Variants in PSMD3 observed in about 807,000 individuals in gnomAD.
PSMD3 encodes proteasome 26S subunit, non-ATPase 3, also known as 26S proteasome non-ATPase regulatory subunit 3.
A neutral mutation model predicts 62.8 loss-of-function variants in PSMD3; 5 were observed. The ratio of observed to expected loss-of-function variants is 0.08; its 90% CI spans 0.04 to 0.17. PSMD3 has a LOEUF of 0.17. Among genes scored for constraint, PSMD3 ranks in the 10% least tolerant of loss-of-function variants. The probability of loss-of-function intolerance (pLI) is 1.00; values close to 1 mark genes in which losing one functional copy is unlikely to be tolerated. For missense variants in PSMD3, 524 were observed against 713.6 expected, an observed-to-expected ratio of 0.73 and a Z score of 3.03; for synonymous variants, 265 against 283.9, an observed-to-expected ratio of 0.93 and a Z score of 0.67.
At chr17:39,988,971 G>C in intron 4 of PSMD3, 152 bp downstream of exon 4, 1 of 1,051,976 alleles carries the variant, frequency 9.5e-7, no homozygotes, top group Non-Finnish European at 1.4e-6. Context: ...CCACGTGAGG[G>C]GTGTGGGAGA....
At chr17:39,984,083 C>T (rs1162615573) in intron 1 of PSMD3, among the ~76,000 whole-genome samples, 1 of 151,826 alleles carries the variant, frequency 6.6e-6, no homozygotes, top group Non-Finnish European at 1.5e-5. Context: ...GCCTGTAGTC[C>T]CAGCTACTCG....
At position 39,980,811 on chromosome 17, in the gene PSMD3, G is replaced by A. The variant is rs1980357785; in HGVS notation, c.-160G>A. On this transcript the variant is annotated 5_prime_UTR_variant, in exon 1 of 12. Transcript: ENST00000264639. The stretch of plus-strand genomic sequence containing the variant: ...CTGCCGGGCCTGGCGTTTCCCAGAA[G>A]GCCCAGCGCCGGGAAGGGGTTTGCA... 1.5e-6 allele frequency: 1 copy of A among 646,826 alleles called. No homozygotes were observed. Among genetic ancestry groups the A allele is most frequent in the Non-Finnish European group, 2.5e-6 (1 of 401,748 alleles). The allele number at this position is 646,826 out of a possible 1,614,324, so 40.1% of individuals were successfully genotyped here. A position where few individuals can be genotyped will look rare whatever the true frequency, so the allele number is the denominator to read the frequency against.
intron 6 of PSMD3, 142 bp downstream of exon 6, chr17:39,990,339 A>T: frequency 2.9e-6 from 2 of 697,890 alleles, no homozygotes; most frequent in Non-Finnish European, 4.7e-6. Context: ...CTGGGATCAC[A>T]GGTATGAGCC....
chr17:39,991,146 T>G (rs1301541129), intron 6 of PSMD3, among the ~76,000 whole-genome samples: 1 of 151,980 alleles, frequency 6.6e-6, no homozygotes, highest in African/African-American at 2.4e-5. Context: ...AACTAATTTT[T>G]TTGTTTGTTT....
intron 1 of PSMD3, among the ~76,000 whole-genome samples, chr17:39,983,362 G>A (rs1980433907): frequency 6.6e-6 from 1 of 152,134 alleles, no homozygotes; most frequent in Admixed American, 6.5e-5. Flanking sequence ...AAATTTGGTA[G>A]TTTAAAAATG....
At chr17:39,989,614 T>C in intron 4 of PSMD3, 125 bp from the exon 5 acceptor site, 1 of 926,582 alleles carries the variant, frequency 1.1e-6, no homozygotes, top group Non-Finnish European at 1.6e-6. Context: ...GTTAACAGTA[T>C]TCAGCAAATA....
At chr17:39,983,028 C>T (rs1214016568) in intron 1 of PSMD3, among the ~76,000 whole-genome samples, 1 of 151,896 alleles carries the variant, frequency 6.6e-6, no homozygotes, top group African/African-American at 2.4e-5. Context: ...TTTCACTGTA[C>T]TCTATAATTT....
intron 1 of PSMD3, among the ~76,000 whole-genome samples, chr17:39,983,993 A>G (rs916079890): frequency 2.0e-5 from 3 of 151,964 alleles, no homozygotes; most frequent in Admixed American, 1.3e-4. Context: ...AGGTCAGGAG[A>G]TCGAGACCAT....
At position 39,997,604 on chromosome 17, in the gene PSMD3, GGGGGAAT is replaced by G; in HGVS notation, c.*29_*35del. 1 of 1,586,010 alleles carries G rather than the reference GGGGGAAT, an allele frequency of 6.3e-7. No individual in the cohort carries two copies. Among genetic ancestry groups the G allele is most frequent in the Non-Finnish European group, 8.6e-7 (1 of 1,156,216 alleles). ...TGAGCTGGGGGGCTGGGGAGGGGTAGGGGGAATGGGGACAGGCTCTTTCCCCCTTGGG... is the reference window on the plus strand; with the variant it reads ...TGAGCTGGGGGGCTGGGGAGGGGTAGGGGGACAGGCTCTTTCCCCCTTGGG... On this transcript the variant is annotated 3_prime_UTR_variant, in exon 12 of 12. Transcript: ENST00000264639.
intron 3 of PSMD3, 22 bp downstream of exon 3, chr17:39,986,734 C>G: frequency 1.2e-6 from 2 of 1,612,964 alleles, no homozygotes; most frequent in Non-Finnish European, 1.7e-6. Context: ...GCAGTGAGAG[C>G]GATTCATAAG....
chr17:39,990,061 C>A, intron 5 of PSMD3, 33 bp from the exon 6 acceptor site: 1 of 1,607,828 alleles, frequency 6.2e-7, no homozygotes, highest in Non-Finnish European at 8.5e-7. Context: ...TGACCCTACT[C>A]TGTTGACCAA....
chr17:39,984,565 C>A, intron 2 of PSMD3, 81 bp downstream of exon 2: 1 of 1,338,470 alleles, frequency 7.5e-7, no homozygotes, highest in Non-Finnish European at 1.0e-6. Context: ...TCCTAAAGTC[C>A]CATCTTATTA....
intron 1 of PSMD3, 118 bp downstream of exon 1, chr17:39,981,308 C>A: frequency 6.8e-7 from 1 of 1,464,594 alleles, no homozygotes; most frequent in Non-Finnish European, 9.1e-7. Flanking sequence ...TGGGATCACC[C>A]CCAGATACCT....
rs1006759087 is a variant in PSMD3 at position 39,996,108 on chromosome 17, G to A, written c.1321-75G>A. 6.4e-6 allele frequency: 10 copies of A among 1,560,694 alleles called. No individual in the cohort carries two copies. The highest frequency in any genetic ancestry group is 2.8e-5 in the African/African-American group (2 of 71,590). On this transcript the variant is annotated intron_variant, in intron 9 of 11. Transcript: ENST00000264639. This position sits in a 1 kb window ranked among gnomAD's most constrained non-coding sequence, Gnocchi z 5.1. ...CACTCTCCTGCCTGGGTGACAGAGC[G>A]AGACTCCATCTCAAAAAAAAAAAAA...
At chr17:39,986,488 A>T in intron 2 of PSMD3, 87 bp from the exon 3 acceptor site, 1 of 1,490,096 alleles carries the variant, frequency 6.7e-7, no homozygotes, top group Non-Finnish European at 9.3e-7. Context: ...CTCAATAAAT[A>T]TGTTGAAATA....
intron 6 of PSMD3, among the ~76,000 whole-genome samples, chr17:39,991,987 T>A (rs1409975866): frequency 7.2e-6 from 1 of 138,148 alleles, no homozygotes; most frequent in African/African-American, 2.6e-5. Context: ...ATCGTGCCAC[T>A]GCACTGCAGC....
At chr17:39,985,936 C>T (rs1980515501) in intron 2 of PSMD3, among the ~76,000 whole-genome samples, 1 of 152,214 alleles carries the variant, frequency 6.6e-6, no homozygotes, top group Non-Finnish European at 1.5e-5. Flanking sequence ...GTAGTATTTG[C>T]AGTGGATCCA....
At chr17:39,986,439 A>T in intron 2 of PSMD3, 136 bp from the exon 3 acceptor site, 1 of 1,079,682 alleles carries the variant, frequency 9.3e-7, no homozygotes, top group Non-Finnish European at 1.3e-6. Flanking sequence ...TTATTTTTTT[A>T]TCCCTAGCAC....
Position 39,995,630 on chromosome 17 carries a change from C to A in PSMD3, c.1320+103C>A. On this transcript the variant is annotated intron_variant, in intron 9 of 11. Coordinates refer to ENST00000264639, the MANE Select transcript of PSMD3 (RefSeq NM_002809.4). This position sits in a 1 kb window ranked among gnomAD's most constrained non-coding sequence, Gnocchi z 4.1. ...TGGCCAAGGAGGGGAATAGGTAAAG[C>A]AATGGCATAGTCATTTCAGGGCGTG... The A allele has an allele frequency of 8.8e-7, 1 of 1,133,246 alleles. No individual in the cohort carries two copies. The highest frequency in any genetic ancestry group is 1.3e-6 in the Non-Finnish European group (1 of 763,186). The allele number at this position is 1,133,246 out of a possible 1,614,324, so 70.2% of individuals were successfully genotyped here.
Sources: allele counts gnomAD v4.1 joint callset (sites outside exome capture counted in the v4.1 genomes callset), GRCh38; gene constraint gnomAD v4.1.1; non-coding constraint Gnocchi (gnomAD v3.1); transcripts MANE v1.5; gene names NCBI Gene and HGNC (gene_info 2026-07-23, HGNC 2026-07-21).